Variants in NEGR1 observed in about 807,000 individuals in gnomAD.
NEGR1 encodes neuronal growth regulator 1, also known as IgLON family member 4.
Under a neutral mutation model 40.9 loss-of-function variants are expected in NEGR1, and 10 were observed. That is an observed-to-expected ratio of 0.24 (90% CI 0.15 to 0.42). The LOEUF is 0.42. Among genes scored for constraint, NEGR1 ranks in the 10% least tolerant of loss-of-function variants. The pLI, the probability that NEGR1 is intolerant of heterozygous loss-of-function variation, is 1.00. For missense variants in NEGR1, 352 were observed against 438.9 expected (o/e 0.80, Z 1.77); for synonymous variants, 185 against 166.8 (o/e 1.11, Z -0.84).
At chr1:71,881,120 T>C (rs999319951) in intron 2 of NEGR1, among the ~76,000 whole-genome samples, 5 of 152,064 alleles carry the variant, frequency 3.3e-5, no homozygotes, top group African/African-American at 1.2e-4. Context: ...GTCAAAATCC[T>C]TCCTACAGTA....
intron 3 of NEGR1, among the ~76,000 whole-genome samples, chr1:71,760,434 T>C (rs1365288848): frequency 6.6e-6 from 1 of 152,160 alleles, no homozygotes; most frequent in Non-Finnish European, 1.5e-5. Flanking sequence ...AAAGTTAAAA[T>C]TATAAAGAAA....
intron 1 of NEGR1, among the ~76,000 whole-genome samples, chr1:71,983,300 A>G (rs899816559): frequency 8.5e-5 from 13 of 152,182 alleles, no homozygotes; most frequent in African/African-American, 3.1e-4. Flanking sequence ...ACTTCAATAC[A>G]TTGATGAAGC....
chr1:72,221,622 T>G (rs1273108066), intron 1 of NEGR1, among the ~76,000 whole-genome samples: 1 of 152,094 alleles, frequency 6.6e-6, no homozygotes, highest in Non-Finnish European at 1.5e-5. Context: ...GAAATACAAT[T>G]GGTAAACATG....
At chr1:72,091,520 A>T (rs2100544954) in intron 1 of NEGR1, among the ~76,000 whole-genome samples, 1 of 150,490 alleles carries the variant, frequency 6.6e-6, no homozygotes, top group African/African-American at 2.5e-5. Flanking sequence ...CAAGTACATC[A>T]CAGCCCCATA....
At chr1:71,415,380 TA>T (rs914709315) in intron 6 of NEGR1, among the ~76,000 whole-genome samples, 8 of 152,080 alleles carry the variant, frequency 5.3e-5, no homozygotes, top group African/African-American at 1.9e-4. Flanking sequence ...CCAGCATCCT[TA>T]AGTCCCATTC....
chr1:71,841,985 G>A (rs1030917751), intron 2 of NEGR1, among the ~76,000 whole-genome samples: 6 of 152,088 alleles, frequency 3.9e-5, no homozygotes, highest in South Asian at 2.1e-4. Context: ...CTGAGGCTCT[G>A]ATCACACACT....
intron 1 of NEGR1, among the ~76,000 whole-genome samples, chr1:72,003,996 A>G (rs1646580646): frequency 6.6e-6 from 1 of 152,064 alleles, no homozygotes; most frequent in Non-Finnish European, 1.5e-5. Context: ...AAAGATATAT[A>G]TATTTTCTCA....
chr1:71,731,096 A>G (rs776270343), intron 3 of NEGR1, among the ~76,000 whole-genome samples: 32 of 152,106 alleles, frequency 2.1e-4, no homozygotes, highest in African/African-American at 7.2e-4. Flanking sequence ...TCTTAAATGG[A>G]TTAGTGCTTT....
At chr1:71,767,114 A>T (rs915544246) in intron 3 of NEGR1, among the ~76,000 whole-genome samples, 1 of 152,176 alleles carries the variant, frequency 6.6e-6, no homozygotes, top group Admixed American at 6.5e-5. Context: ...GGAGTAGGGC[A>T]TTGCTATAAA....
At chr1:72,251,673 T>A (rs1434052062) in intron 1 of NEGR1, among the ~76,000 whole-genome samples, 2 of 152,184 alleles carry the variant, frequency 1.3e-5, no homozygotes, top group South Asian at 2.1e-4. Context: ...AGGAAAAAAG[T>A]CTGTACATAC....
rs115386719 is a variant in NEGR1, at chr1:71,960,411, T to C, written c.177-25100A>G. Reference sequence around the variant, plus strand: ...GGTCAAGATATAACAAGGTATTTGATAATAAAGTCAGGCCTTTAAATGAAG... The same window carrying C: ...GGTCAAGATATAACAAGGTATTTGACAATAAAGTCAGGCCTTTAAATGAAG... On this transcript the variant is annotated intron_variant, in intron 1 of 6. Transcript: ENST00000357731. 5.5e-3 allele frequency among the ~76,000 whole-genome samples: 832 copies of C among 152,304 alleles called. 8 individuals are homozygous for C. Among genetic ancestry groups the C allele is most frequent in the African/African-American group, 0.019 (775 of 41,576 alleles).
chr1:72,198,415 C>G (rs953133683), intron 1 of NEGR1, among the ~76,000 whole-genome samples: 4 of 151,904 alleles, frequency 2.6e-5, no homozygotes, highest in Non-Finnish European at 5.9e-5. Flanking sequence ...GTCCTAGCAA[C>G]AAGGTGGAAG....
intron 1 of NEGR1, among the ~76,000 whole-genome samples, chr1:72,110,480 C>T (rs1267811263): frequency 3.3e-5 from 5 of 151,400 alleles, no homozygotes. Context: ...TTATGGTAGC[C>T]ATGGTAATTA....
chr1:71,927,283 G>T (rs1159972570), intron 2 of NEGR1, among the ~76,000 whole-genome samples: 2 of 152,162 alleles, frequency 1.3e-5, no homozygotes, highest in Non-Finnish European at 2.9e-5. Flanking sequence ...TGTTATGCAA[G>T]ATTTCCTTGC....
At chr1:71,798,233 CAG>C (rs1345810695) in intron 2 of NEGR1, 4 of 151,806 alleles carry the variant, frequency 2.6e-5, no homozygotes, top group East Asian at 1.9e-4. Context: ...CTCGGTGGAG[CAG>C]AGAGTCCCTA....
chr1:71,678,913 A>G (rs1443762694), intron 4 of NEGR1, among the ~76,000 whole-genome samples: 1 of 152,138 alleles, frequency 6.6e-6, no homozygotes, highest in African/African-American at 2.4e-5. Context: ...CGGCATCAAG[A>G]AGAGGCTAAA....
At chr1:72,221,245 T>C (rs1233722665) in intron 1 of NEGR1, among the ~76,000 whole-genome samples, 4 of 152,124 alleles carry the variant, frequency 2.6e-5, no homozygotes, top group African/African-American at 9.7e-5. Flanking sequence ...ATTCTAATCA[T>C]TGATATTACT....
At chr1:71,725,751 C>T (rs1206506232) in intron 3 of NEGR1, among the ~76,000 whole-genome samples, 1 of 152,032 alleles carries the variant, frequency 6.6e-6, no homozygotes, top group East Asian at 1.9e-4. Flanking sequence ...CCATCCTTTT[C>T]CTCCTCTTTC....
chr1:72,127,624 A>C (rs985147265), intron 1 of NEGR1, among the ~76,000 whole-genome samples: 1 of 152,158 alleles, frequency 6.6e-6, no homozygotes, highest in South Asian at 2.1e-4. Flanking sequence ...AGTAATTCTC[A>C]ATAAAGCCTG....
Sources: gnomAD v4.1 joint callset for allele counts (sites outside exome capture counted in the v4.1 genomes callset) on GRCh38, gnomAD v4.1.1 for gene constraint, MANE v1.5 for transcripts, NCBI Gene and HGNC (gene_info 2026-07-23, HGNC 2026-07-21) for gene names.